The following CHN2 variants were observed in gnomAD, a reference collection of about 807,000 sequenced individuals.
CHN2 encodes chimerin 2.
CHN2 carries 35 observed loss-of-function variants against 56.3 expected under a neutral mutation model. The observed-to-expected ratio is 0.62, with a 90% CI of 0.47 to 0.82. The LOEUF is 0.82. Ranked by LOEUF, CHN2 falls within the 40% of genes least tolerant of loss-of-function variation. CHN2 has a pLI of 0.00. For missense variants in CHN2, 491 were observed against 580.5 expected (o/e 0.85, Z 1.58); for synonymous variants, 210 against 212.8 (o/e 0.99, Z 0.12).
At chr7:29,449,259 GTC>G (rs369342149) in intron 6 of CHN2, among the ~76,000 whole-genome samples, 1 of 152,218 alleles carries the variant, frequency 6.6e-6, no homozygotes, top group African/African-American at 2.4e-5. Context: ...TAAGGTGAGT[GTC>G]TGAAAAAAAA....
chr7:29,475,151 T>G (rs1786489481), intron 6 of CHN2, among the ~76,000 whole-genome samples: 1 of 152,154 alleles, frequency 6.6e-6, no homozygotes, highest in South Asian at 2.1e-4. Context: ...CTTGATTCCT[T>G]CTTGGATCCA....
At chr7:29,308,422 T>G (rs1410754538) in intron 1 of CHN2, among the ~76,000 whole-genome samples, 2 of 151,820 alleles carry the variant, frequency 1.3e-5, no homozygotes, top group Non-Finnish European at 1.5e-5. Context: ...TTTAAAACAA[T>G]AAAGCACGTG....
At chr7:29,507,443 C>A in intron 11 of CHN2, 78 bp downstream of exon 11, 1 of 1,087,438 alleles carries the variant, frequency 9.2e-7, no homozygotes, top group South Asian at 1.5e-5. Context: ...AATTAAAACT[C>A]AGAACTGTTT....
intron 1 of CHN2, among the ~76,000 whole-genome samples, chr7:29,235,156 C>T (rs1787093204): frequency 6.6e-6 from 1 of 152,018 alleles, no homozygotes; most frequent in Admixed American, 6.6e-5. Context: ...GTCTAATATC[C>T]AGAATCTATG....
At chr7:29,243,034 T>G in intron 1 of CHN2, among the ~76,000 whole-genome samples, 1 of 152,106 alleles carries the variant, frequency 6.6e-6, no homozygotes, top group East Asian at 1.9e-4. Context: ...AGGGAGATAT[T>G]TGTGAAAATT....
chr7:29,498,752 T>C (rs921031115), intron 8 of CHN2, among the ~76,000 whole-genome samples: 2 of 135,290 alleles, frequency 1.5e-5, no homozygotes, highest in African/African-American at 5.9e-5. Context: ...ATGTAGACTA[T>C]GCTGCCTTTT....
rs142567884 is a variant in CHN2, at chr7:29,228,159, T to TACACAC, written c.49+33182_49+33187dup. Among the ~76,000 whole-genome samples the TACACAC allele has an allele frequency of 3.8e-3, 566 of 147,148 alleles. 1 individual carries two copies. Among genetic ancestry groups the TACACAC allele is most frequent in the African/African-American group, 0.014 (548 of 39,544 alleles). ...GTACACACACTAATATATATATATA[T>TACACAC]ACACACACACACACACACGTGTGTG... On this transcript the variant is annotated intron_variant, in intron 1 of 12. Transcript: ENST00000222792.
At chr7:29,454,424 T>C (rs981782373) in intron 6 of CHN2, among the ~76,000 whole-genome samples, 2 of 152,182 alleles carry the variant, frequency 1.3e-5, no homozygotes, top group Non-Finnish European at 2.9e-5. Context: ...GAGTTTGAGA[T>C]TTTTTGTATG....
At chr7:29,381,966 G>A (rs560540158) in intron 3 of CHN2, among the ~76,000 whole-genome samples, 66 of 152,222 alleles carry the variant, frequency 4.3e-4, no homozygotes, top group African/African-American at 1.5e-3. Flanking sequence ...GGCAATAAGA[G>A]GTGATGGTTA....
intron 1 of CHN2, among the ~76,000 whole-genome samples, chr7:29,195,621 AGAGAGAGAGT>A (rs1279467564): frequency 7.8e-5 from 10 of 127,428 alleles, no homozygotes; most frequent in East Asian, 8.4e-4. Context: ...AGAGAGAGAG[AGAGAGAGAGT>A]GTGTGTGTGT....
rs2128607165 is a variant in CHN2, at chr7:29,513,206, T to C, written c.*471T>C. ...TGTTGTTATTTTTAGCAAATAGAAC[T>C]CAATGCAGTGCATTGGTTATTACCC... On this transcript the variant is annotated 3_prime_UTR_variant, in exon 13 of 13. Transcript: ENST00000222792. 1 of 156,572 alleles carries C rather than the reference T, an allele frequency of 6.4e-6. No individual in the cohort carries two copies. The highest frequency in any genetic ancestry group is 1.9e-4 in the East Asian group (1 of 5,296). 9.7% of individuals were successfully genotyped at this position (156,572 alleles called of 1,614,324 possible).
chr7:29,161,740 C>T (rs34470328), intron 2 of CHN2, among the ~76,000 whole-genome samples: 19,449 of 152,022 alleles, frequency 0.13, 1,433 homozygotes, highest in African/African-American at 0.2. Context: ...AAGATGAAAA[C>T]GATGAGCCAC....
chr7:29,372,333 T>C (rs1234753010), intron 3 of CHN2, among the ~76,000 whole-genome samples: 2 of 152,160 alleles, frequency 1.3e-5, no homozygotes, highest in Non-Finnish European at 2.9e-5. Flanking sequence ...AAATTTCACG[T>C]AATAAGAGGC....
At chr7:29,390,704 T>A (rs1310178702) in intron 3 of CHN2, among the ~76,000 whole-genome samples, 1 of 152,180 alleles carries the variant, frequency 6.6e-6, no homozygotes, top group East Asian at 1.9e-4. Flanking sequence ...TTAATTAAAT[T>A]CAGTTTCACA....
intron 8 of CHN2, among the ~76,000 whole-genome samples, chr7:29,497,660 G>A (rs935117852): frequency 6.6e-6 from 1 of 152,078 alleles, no homozygotes; most frequent in Non-Finnish European, 1.5e-5. Context: ...CATCTTTTAA[G>A]TATTTTTAGA....
At chr7:29,417,996 A>G (rs935010089) in intron 6 of CHN2, among the ~76,000 whole-genome samples, 1 of 152,204 alleles carries the variant, frequency 6.6e-6, no homozygotes, top group Non-Finnish European at 1.5e-5. Flanking sequence ...AATCTGTAGA[A>G]TAGCACACCC....
intron 2 of CHN2, among the ~76,000 whole-genome samples, chr7:29,364,664 A>G (rs1302980449): frequency 6.6e-6 from 1 of 152,202 alleles, no homozygotes; most frequent in Non-Finnish European, 1.5e-5. Flanking sequence ...TAGCCAGAGG[A>G]ATGTCTACAA....
At chr7:29,415,909 C>A (rs1803691368) in intron 6 of CHN2, among the ~76,000 whole-genome samples, 1 of 152,132 alleles carries the variant, frequency 6.6e-6, no homozygotes, top group Non-Finnish European at 1.5e-5. Flanking sequence ...ACACTATTAC[C>A]AAAGCTAATT....
chr7:29,261,784 G>A (rs1355634524), intron 1 of CHN2, among the ~76,000 whole-genome samples: 1 of 152,182 alleles, frequency 6.6e-6, no homozygotes, highest in Non-Finnish European at 1.5e-5. Flanking sequence ...ACAGTTTAGT[G>A]GTTATATATG....
Sources: allele counts gnomAD v4.1 joint callset (sites outside exome capture counted in the v4.1 genomes callset), GRCh38; gene constraint gnomAD v4.1.1; transcripts MANE v1.5; gene names NCBI Gene and HGNC (gene_info 2026-07-23, HGNC 2026-07-21).